Variants in SLC39A11 observed in about 807,000 individuals in gnomAD.
SLC39A11 encodes the protein zinc transporter ZIP11.
Under a neutral mutation model 36.1 loss-of-function variants are expected in SLC39A11, and 33 were observed. That is an observed-to-expected ratio of 0.91 (90% CI 0.69 to 1.22). The LOEUF (loss-of-function observed/expected upper bound fraction) is 1.22, where lower values mean the gene tolerates loss of function less well. Ranked by LOEUF, SLC39A11 falls within the 50% of genes most tolerant of loss-of-function variation. The pLI is 0.00. For synonymous variants in SLC39A11, 166 were observed against 170.3 expected (o/e 0.97, Z 0.20); for missense variants, 432 against 430.3 (o/e 1.00, Z -0.03).
intron 7 of SLC39A11, among the ~76,000 whole-genome samples, chr17:72,732,095 C>T (rs1463703178): frequency 2.7e-5 from 3 of 111,486 alleles, no homozygotes; most frequent in East Asian, 5.2e-4. Context: ...GTTGCCCAGG[C>T]TGGAGGGCAG....
At chr17:73,080,733 T>A (rs914936832) in intron 3 of SLC39A11, among the ~76,000 whole-genome samples, 3 of 151,964 alleles carry the variant, frequency 2.0e-5, no homozygotes, top group Admixed American at 2.0e-4. Context: ...TAATTTGAGG[T>A]CCAGCGTTTA....
At chr17:72,750,540 G>A (rs1269291763) in intron 6 of SLC39A11, among the ~76,000 whole-genome samples, 2 of 151,364 alleles carry the variant, frequency 1.3e-5, no homozygotes, top group South Asian at 2.1e-4. Context: ...GAGGACTTTC[G>A]AACAAAATTA....
At chr17:72,927,265 T>C (rs965046625) in intron 5 of SLC39A11, among the ~76,000 whole-genome samples, 1 of 152,184 alleles carries the variant, frequency 6.6e-6, no homozygotes, top group Admixed American at 6.5e-5. Context: ...TTTCGCCATG[T>C]TGGCCAGGCT....
rs34448509 is a variant in SLC39A11 at position 73,009,058 on chromosome 17, C to CAAAAAAA, written c.306+22491_306+22497dup. Among the ~76,000 whole-genome samples the CAAAAAAA allele has an allele frequency of 3.0e-4, 24 of 78,832 alleles. 1 individual carries two copies. Among genetic ancestry groups the CAAAAAAA allele is most frequent in the Admixed American group, 9.0e-4 (6 of 6,662 alleles). The allele number at this position is 78,832 out of a possible 152,430, so 51.7% of individuals were successfully genotyped here. ...GCCTGGGTGACAGAGAGACCTGCCTCAAAAAAAAAAAAAAAAAAAAGGCAG... is the reference window on the plus strand; with the variant it reads ...GCCTGGGTGACAGAGAGACCTGCCTCAAAAAAAAAAAAAAAAAAAAAAAAAAAGGCAG... On this transcript the variant is annotated intron_variant, in intron 4 of 9. Coordinates refer to ENST00000255559, the MANE Select transcript of SLC39A11 (RefSeq NM_139177.4).
intron 5 of SLC39A11, among the ~76,000 whole-genome samples, chr17:72,879,645 T>C (rs1254080801): frequency 1.3e-5 from 2 of 152,160 alleles, no homozygotes; most frequent in Non-Finnish European, 2.9e-5. Context: ...AGCCAGGCTT[T>C]AGGCAGGATT....
chr17:72,747,442 G>A lies in SLC39A11; in HGVS notation c.602-10723C>T, dbSNP rs143924614. ...GCTGGAATTACAGGCGTGAGCCACC[G>A]CGCCTGGCCAAGGACAAGCTCGGCT... On this transcript the variant is annotated intron_variant, in intron 6 of 9. Transcript: ENST00000255559. Among the ~76,000 whole-genome samples the A allele has an allele frequency of 6.1e-3, 930 of 152,294 alleles. 11 individuals are homozygous for A. The highest frequency in any genetic ancestry group is 0.02 in the African/African-American group (824 of 41,570).
chr17:72,758,523 C>T (rs1598604093), intron 6 of SLC39A11, among the ~76,000 whole-genome samples: 1 of 152,244 alleles, frequency 6.6e-6, no homozygotes, highest in Middle Eastern at 3.4e-3. Context: ...CCAGTGATAC[C>T]GCAGTTAAGG....
intron 5 of SLC39A11, among the ~76,000 whole-genome samples, chr17:72,857,607 A>G (rs73358738): frequency 0.032 from 4,847 of 152,216 alleles, 86 homozygotes; most frequent in African/African-American, 0.043. Flanking sequence ...CCCACCAACA[A>G]TGTATACATT....
intron 3 of SLC39A11, among the ~76,000 whole-genome samples, chr17:73,045,264 C>T (rs1447823987): frequency 6.6e-6 from 1 of 151,842 alleles, no homozygotes; most frequent in Admixed American, 6.6e-5. Context: ...CTGTAGGTCC[C>T]CCAGGTGAAG....
chr17:73,058,613 C>T (rs1485495165), intron 3 of SLC39A11, among the ~76,000 whole-genome samples: 2 of 152,136 alleles, frequency 1.3e-5, no homozygotes, highest in African/African-American at 2.4e-5. Flanking sequence ...ATACCAGCTC[C>T]TAGGGAGAAA....
intron 7 of SLC39A11, among the ~76,000 whole-genome samples, chr17:72,652,896 C>T (rs2069917325): frequency 6.6e-6 from 1 of 152,114 alleles, no homozygotes; most frequent in African/African-American, 2.4e-5. Flanking sequence ...TTGGGTTGTA[C>T]AGAAACTCCC....
At chr17:73,081,670 C>CATATATGTATATATATATGTAT (rs1568242944) in intron 3 of SLC39A11, among the ~76,000 whole-genome samples, 1 of 82,206 alleles carries the variant, frequency 1.2e-5, no homozygotes, top group Non-Finnish European at 2.3e-5. Flanking sequence ...CACACACACA[C>CATATATGTATATATATATGTAT]ATATATATAC....
intron 5 of SLC39A11, among the ~76,000 whole-genome samples, chr17:72,868,035 G>A (rs898247603): frequency 6.6e-6 from 1 of 152,162 alleles, no homozygotes; most frequent in South Asian, 2.1e-4. Context: ...CTTGCTTCCT[G>A]GAACACCTTA....
rs146911977 is a variant in SLC39A11 at position 72,823,399 on chromosome 17, G to A, written c.601+26235C>T. On this transcript the variant is annotated intron_variant, in intron 6 of 9. Transcript: ENST00000255559. Reference sequence around the variant, plus strand: ...AGTGGGCTTTCCAGACATTGGTTCCGTGCATCAATCTCTCTAAACTCATCT... The same window carrying A: ...AGTGGGCTTTCCAGACATTGGTTCCATGCATCAATCTCTCTAAACTCATCT... Among the ~76,000 whole-genome samples the A allele has an allele frequency of 3.0e-4, 46 of 151,188 alleles. 1 individual carries two copies. Among genetic ancestry groups the A allele is most frequent in the African/African-American group, 8.9e-4 (37 of 41,450 alleles).
chr17:72,792,476 A>C (rs186298514), intron 6 of SLC39A11, among the ~76,000 whole-genome samples: 1 of 152,304 alleles, frequency 6.6e-6, no homozygotes, highest in East Asian at 1.9e-4. Flanking sequence ...CTCGCAGCTA[A>C]GTCTTTGAGG....
intron 5 of SLC39A11, among the ~76,000 whole-genome samples, chr17:72,936,479 C>A (rs1382768020): frequency 3.4e-5 from 5 of 147,258 alleles, no homozygotes; most frequent in African/African-American, 1.3e-4. Flanking sequence ...AACAGGAGAT[C>A]CTAGGAAAGG....
At chr17:73,081,647 AC>A (rs2060517241) in intron 3 of SLC39A11, among the ~76,000 whole-genome samples, 1 of 148,174 alleles carries the variant, frequency 6.7e-6, no homozygotes, top group Non-Finnish European at 1.5e-5. Flanking sequence ...ACACACACAC[AC>A]ACACACACAC....
intron 4 of SLC39A11, among the ~76,000 whole-genome samples, chr17:72,951,303 A>T (rs531893875): frequency 6.7e-6 from 1 of 149,632 alleles, no homozygotes; most frequent in Non-Finnish European, 1.5e-5. Context: ...AATAGTGCTG[A>T]GCTTCAGATA....
At chr17:72,686,529 C>A (rs981628533) in intron 7 of SLC39A11, among the ~76,000 whole-genome samples, 4 of 151,674 alleles carry the variant, frequency 2.6e-5, no homozygotes, top group East Asian at 2.0e-4. Flanking sequence ...TCCAGACCCC[C>A]CTCTGCTTGG....
Sources: gnomAD v4.1 joint callset for allele counts (sites outside exome capture counted in the v4.1 genomes callset) on GRCh38, gnomAD v4.1.1 for gene constraint, MANE v1.5 for transcripts, NCBI Gene and HGNC (gene_info 2026-07-23, HGNC 2026-07-21) for gene names.